Variants in PECAM1 observed in about 807,000 individuals in gnomAD.
PECAM1 encodes the protein platelet endothelial cell adhesion molecule.
PECAM1 carries 8 observed loss-of-function variants against 13.8 expected under a neutral mutation model. The ratio of observed to expected loss-of-function variants is 0.58; its 90% confidence interval spans 0.34 to 1.05. The LOEUF is 1.05. Ranked by LOEUF, PECAM1 falls within the 50% of genes least tolerant of loss-of-function variation. PECAM1 has a pLI of 0.03. For missense variants in PECAM1, 304 were observed against 141.2 expected (o/e 2.15, Z -5.84); for synonymous variants, 136 against 52.6 (o/e 2.58, Z -6.86).
Position 64,354,666 on chromosome 17 carries a change from G to A in PECAM1, c.1888+267C>T, listed in dbSNP as rs964317032. Among the ~76,000 whole-genome samples, 1,036 of 152,258 alleles carry A rather than the reference G, an allele frequency of 6.8e-3. 10 individuals carry two copies. The highest frequency in any genetic ancestry group is 0.024 in the African/African-American group (991 of 41,532). ...TGTGTGCAACATGTGGGTGTTATGC[G>A]CATGTTTGTGTGTCTCCAAGACACT... On this transcript the variant is annotated intron_variant, in intron 9 of 15. Coordinates refer to ENST00000563924, the MANE Select transcript of PECAM1 (RefSeq NM_000442.5).
chr17:64,343,438 C>T (rs904428135), intron 13 of PECAM1, among the ~76,000 whole-genome samples: 2 of 152,134 alleles, frequency 1.3e-5, no homozygotes, highest in Non-Finnish European at 2.9e-5. Flanking sequence ...TGACATTTGT[C>T]CACAACACAC....
At chr17:64,338,725 T>C (rs2035348534) in intron 14 of PECAM1, among the ~76,000 whole-genome samples, 1 of 151,932 alleles carries the variant, frequency 6.6e-6, no homozygotes, top group Non-Finnish European at 1.5e-5. Flanking sequence ...GCCTAGATAA[T>C]TTTTTGTATT....
At chr17:64,332,118 C>A (rs1555646858) in intron 14 of PECAM1, among the ~76,000 whole-genome samples, 2 of 152,224 alleles carry the variant, frequency 1.3e-5, no homozygotes, top group African/African-American at 4.8e-5. Flanking sequence ...AAGTCCACTG[C>A]CCCTCCCCCA....
chr17:64,339,525 A>T (rs118195945), intron 14 of PECAM1, among the ~76,000 whole-genome samples: 1 of 152,114 alleles, frequency 6.6e-6, no homozygotes, highest in African/African-American at 2.4e-5. Context: ...CCAAGAAAGT[A>T]GAAGGGGCAT....
chr17:64,324,453 A>G (rs1424445942), intron 15 of PECAM1, among the ~76,000 whole-genome samples: 2 of 152,168 alleles, frequency 1.3e-5, no homozygotes, highest in Non-Finnish European at 2.9e-5. Flanking sequence ...TTGGACATCA[A>G]TCACATCAGT....
At chr17:64,369,441 A>C (rs1021925892) in intron 5 of PECAM1, among the ~76,000 whole-genome samples, 5 of 152,168 alleles carry the variant, frequency 3.3e-5, no homozygotes, top group African/African-American at 1.2e-4. Context: ...TCATTATAGC[A>C]GTCCTAAAAG....
chr17:64,325,509 G>A (rs922573420), intron 15 of PECAM1, among the ~76,000 whole-genome samples: 1 of 152,244 alleles, frequency 6.6e-6, no homozygotes, highest in Non-Finnish European at 1.5e-5. Context: ...GCCAAGGTGG[G>A]TGGATCCCCT....
chr17:64,378,694 C>T (rs2036417421), intron 2 of PECAM1: 1 of 151,960 alleles, frequency 6.6e-6, no homozygotes. Flanking sequence ...ACATCTTGGC[C>T]CCTGGAGGGA....
intron 5 of PECAM1, among the ~76,000 whole-genome samples, chr17:64,366,761 G>A (rs2036115557): frequency 6.9e-6 from 1 of 145,818 alleles, no homozygotes; most frequent in African/African-American, 2.6e-5. Flanking sequence ...ACTCATAGGT[G>A]GGAATTGAAC....
intron 14 of PECAM1, among the ~76,000 whole-genome samples, chr17:64,335,887 G>GA (rs2035264103): frequency 4.6e-5 from 7 of 152,184 alleles, no homozygotes; most frequent in African/African-American, 1.7e-4. Flanking sequence ...AGTCTACAGA[G>GA]GTGGAATAAT....
In PECAM1 at chr17:64,322,474, G is replaced by GCC. The variant is rs1326534667; in HGVS notation, c.*1340_*1341dup. 4.1e-6 allele frequency: 4 copies of GCC among 985,310 alleles called. No homozygotes were observed. Among genetic ancestry groups the GCC allele is most frequent in the Non-Finnish European group, 4.8e-6 (4 of 829,958 alleles). The allele number at this position is 985,310 out of a possible 1,614,324, so 61.0% of individuals were successfully genotyped here. On this transcript the variant is annotated 3_prime_UTR_variant, in exon 16 of 16. Coordinates refer to ENST00000563924, the MANE Select transcript of PECAM1 (RefSeq NM_000442.5). ...GTCCTCAGCACTATAGATGCATGTGGCCCCTCAGAAGACAACATTTCACAG... is the reference window on the plus strand; with the variant it reads ...GTCCTCAGCACTATAGATGCATGTGGCCCCCCTCAGAAGACAACATTTCACAG...
intron 3 of PECAM1, among the ~76,000 whole-genome samples, chr17:64,377,093 T>C (rs2036376438): frequency 6.6e-6 from 1 of 152,166 alleles, no homozygotes; most frequent in African/African-American, 2.4e-5. Context: ...ATGGGTATCG[T>C]TGTTATCTTC....
intron 14 of PECAM1, among the ~76,000 whole-genome samples, chr17:64,333,029 T>G (rs1229238447): frequency 1.3e-5 from 2 of 152,130 alleles, no homozygotes; most frequent in Non-Finnish European, 2.9e-5. Flanking sequence ...GGTGCATGCC[T>G]CCAATCCCAG....
intron 4 of PECAM1, among the ~76,000 whole-genome samples, chr17:64,372,906 G>A (rs954007514): frequency 2.5e-4 from 38 of 151,268 alleles, no homozygotes; most frequent in Non-Finnish European, 3.5e-4. Context: ...ACCTGAGATC[G>A]GGAGTCAAGA....
At chr17:64,360,745 T>A (rs1415430102) in intron 6 of PECAM1, among the ~76,000 whole-genome samples, 1 of 151,274 alleles carries the variant, frequency 6.6e-6, no homozygotes, top group Admixed American at 6.6e-5. Context: ...CATGCACACA[T>A]AATATACTTT....
chr17:64,323,605 GA>G lies in PECAM1; in HGVS notation c.*210del, dbSNP rs2034860545. The G allele has an allele frequency of 8.4e-6, 12 of 1,432,900 alleles. 1 individual carries two copies. In the South Asian group the frequency reaches 1.5e-4, roughly 18 times the overall value. The allele number at this position is 1,432,900 out of a possible 1,614,324, so 88.8% of individuals were successfully genotyped here. A position where few individuals can be genotyped will look rare whatever the true frequency, so the allele number is the denominator to read the frequency against. On this transcript the variant is annotated 3_prime_UTR_variant, in exon 16 of 16. Coordinates refer to ENST00000563924, the MANE Select transcript of PECAM1 (RefSeq NM_000442.5). ...AACTTGGTGGAAGGAGGGTATGTGG[GA>G]AATTCAACAGCCCCTCTGTATCTCT... is the stretch of plus-strand genomic sequence containing the variant.
At chr17:64,333,447 G>A (rs1433940955) in intron 14 of PECAM1, among the ~76,000 whole-genome samples, 4 of 152,060 alleles carry the variant, frequency 2.6e-5, no homozygotes, top group South Asian at 4.1e-4. Context: ...ATTTTGGGCT[G>A]GGTGGTGTTT....
chr17:64,329,970 TA>T (rs200896685), intron 14 of PECAM1, among the ~76,000 whole-genome samples: 2,583 of 151,040 alleles, frequency 0.017, 66 homozygotes, highest in African/African-American at 0.057. Context: ...CTTTATTTTT[TA>T]TTTTTTGAGA....
At chr17:64,335,011 A>G (rs2035236261) in intron 14 of PECAM1, among the ~76,000 whole-genome samples, 1 of 152,130 alleles carries the variant, frequency 6.6e-6, no homozygotes, top group South Asian at 2.1e-4. Context: ...AGTGGTTCTC[A>G]AAGCCCGGGC....
Sources: gnomAD v4.1 joint callset for allele counts (sites outside exome capture counted in the v4.1 genomes callset) on GRCh38, gnomAD v4.1.1 for gene constraint, MANE v1.5 for transcripts, NCBI Gene and HGNC (gene_info 2026-07-23, HGNC 2026-07-21) for gene names.